PDSS1: variants seen among roughly 807,000 people sequenced by gnomAD.
PDSS1 encodes all trans-polyprenyl-diphosphate synthase PDSS1.
Under a neutral mutation model 57.5 loss-of-function variants are expected in PDSS1, and 43 were observed. The ratio of observed to expected loss-of-function variants is 0.75; its 90% CI spans 0.59 to 0.96. The LOEUF is 0.96. PDSS1 is among the 50% of genes least tolerant of loss of function. The pLI is 0.00. For synonymous variants in PDSS1, 175 were observed against 191.3 expected (o/e 0.91, Z 0.70); for missense variants, 438 against 527.8 (o/e 0.83, Z 1.67).
intron 8 of PDSS1, among the ~76,000 whole-genome samples, chr10:26,726,412 A>G (rs1009332645): frequency 1.3e-5 from 2 of 152,232 alleles, no homozygotes; most frequent in Non-Finnish European, 2.9e-5. Context: ...AAAAGTTTCT[A>G]TATTTAAGTG....
intron 11 of PDSS1, among the ~76,000 whole-genome samples, chr10:26,745,504 C>T (rs1836818600): frequency 6.6e-6 from 1 of 152,042 alleles, no homozygotes; most frequent in Middle Eastern, 3.2e-3. Context: ...GGGCTAAACC[C>T]TCATCTTAAC....
At chr10:26,705,996 C>T (rs935424498) in intron 4 of PDSS1, among the ~76,000 whole-genome samples, 2 of 152,228 alleles carry the variant, frequency 1.3e-5, no homozygotes, top group East Asian at 3.8e-4. Flanking sequence ...AAACCCACCA[C>T]CTCCCAGTGA....
At chr10:26,707,675 C>T (rs569130075) in intron 4 of PDSS1, among the ~76,000 whole-genome samples, 10 of 152,234 alleles carry the variant, frequency 6.6e-5, no homozygotes, top group African/African-American at 1.7e-4. Context: ...TGGGCCCCCT[C>T]CTCTCTCTCT....
At chr10:26,730,702 T>G (rs1394482795) in intron 8 of PDSS1, among the ~76,000 whole-genome samples, 1 of 152,216 alleles carries the variant, frequency 6.6e-6, no homozygotes. Flanking sequence ...TGCCCTGTTT[T>G]CTTCCCCTAC....
rs751657693 is a variant in PDSS1, at chr10:26,707,135, GGGA to G, written c.336+1744_336+1746del. ...CATGCGCAGTGGCCCGCCAGTGTTG[GGGA>G]GGGGAGCATGCTCAGTGTGTTTACC... is the stretch of plus-strand genomic sequence containing the variant. On this transcript the variant is annotated intron_variant, in intron 4 of 11. Transcript: ENST00000376215. Among the ~76,000 whole-genome samples, 11 of 152,170 alleles carry G rather than the reference GGGA, an allele frequency of 7.2e-5. No individual in the cohort carries two copies. In the East Asian group the frequency reaches 1.5e-3, roughly 21 times the overall value.
intron 8 of PDSS1, among the ~76,000 whole-genome samples, chr10:26,725,728 G>A (rs1380265456): frequency 2.6e-5 from 4 of 152,070 alleles, no homozygotes; most frequent in Non-Finnish European, 5.9e-5. Flanking sequence ...TCCTTAAGAG[G>A]ATGTGTTAAG....
At chr10:26,717,414 T>C (rs983580385) in intron 5 of PDSS1, among the ~76,000 whole-genome samples, 1 of 152,144 alleles carries the variant, frequency 6.6e-6, no homozygotes, top group African/African-American at 2.4e-5. Context: ...GTATTTTTAG[T>C]GGAGACGTGG....
chr10:26,736,859 A>G (rs1836423596), intron 10 of PDSS1, among the ~76,000 whole-genome samples: 2 of 152,184 alleles, frequency 1.3e-5, no homozygotes, highest in African/African-American at 4.8e-5. Flanking sequence ...AGAGTATAAT[A>G]CATGTGCCCA....
chr10:26,739,626 T>C (rs1264998476), intron 10 of PDSS1, among the ~76,000 whole-genome samples: 1 of 152,204 alleles, frequency 6.6e-6, no homozygotes, highest in African/African-American at 2.4e-5. Flanking sequence ...AACAAGGTAA[T>C]GTCACCAGAT....
Position 26,700,751 on chromosome 10 carries a change from A to T in PDSS1, c.130-1411A>T, listed in dbSNP as rs1309939516. On this transcript the variant is annotated intron_variant, in intron 1 of 11. Transcript: ENST00000376215. Reference sequence around the variant, plus strand: ...CCATTCAGAACTGTGAGTCAATTAAACCTCTTTCCTATAATTATAGATTGC... The same window carrying T: ...CCATTCAGAACTGTGAGTCAATTAATCCTCTTTCCTATAATTATAGATTGC... 3.3e-5 allele frequency among the ~76,000 whole-genome samples: 5 copies of T among 151,884 alleles called. No individual in the cohort carries two copies. In the East Asian group the frequency reaches 9.7e-4, roughly 29 times the overall value.
At chr10:26,730,333 G>A (rs193280145) in intron 8 of PDSS1, among the ~76,000 whole-genome samples, 2 of 152,140 alleles carry the variant, frequency 1.3e-5, no homozygotes, top group African/African-American at 2.4e-5. Context: ...AACGTGGCTG[G>A]GCACAGTGTC....
rs1410205293 is a variant in PDSS1, at chr10:26,705,294, A to G, written c.236A>G (p.His79Arg). The G allele has an allele frequency of 6.2e-7, 1 of 1,605,908 alleles. No individual in the cohort carries two copies. Among genetic ancestry groups the G allele is most frequent in the Non-Finnish European group, 8.5e-7 (1 of 1,172,762 alleles). ...ATTTTTGCATGTCCCAGGTTTCATC[A>G]CACAACCCCAGACAGTAAAACACAC... ...PNVCRISRFH[H>R]TTPDSKTHSG... The change falls in exon 4 of 12, where the codon CAC (histidine) becomes CGC (arginine). Residue 79 changes from histidine (H) to arginine (R), a missense_variant. Physicochemically the swap from His to Arg is conservative, Grantham distance 29 (BLOSUM62 0). Coordinates refer to ENST00000376215, the MANE Select transcript of PDSS1 (RefSeq NM_014317.5).
intron 8 of PDSS1, among the ~76,000 whole-genome samples, chr10:26,731,076 A>G (rs111706230): frequency 0.051 from 7,803 of 151,978 alleles, 644 homozygotes; most frequent in African/African-American, 0.18. Context: ...GCGTGGTGGC[A>G]CACACCTGTA....
intron 4 of PDSS1, among the ~76,000 whole-genome samples, chr10:26,706,158 A>G (rs1835207779): frequency 6.6e-6 from 1 of 152,134 alleles, no homozygotes; most frequent in Admixed American, 6.6e-5. Context: ...AATCCCACCA[A>G]TTTAGGAGGC....
In PDSS1 at chr10:26,746,341, T is replaced by C. The variant is rs1447562271; in HGVS notation, c.1116T>C (p.Gly372=). The stretch of plus-strand genomic sequence containing the variant: ...TGTTCTGTATCTTATAGAGTGATGG[T>C]GTGCAACAAACAACCTACCTCGCCC... ...RARQYVLQSD[G]VQQTTYLAQQ... The change falls in exon 12 of 12, where the codon GGT becomes GGC. Residue 372 remains glycine, a synonymous_variant. Coordinates refer to ENST00000376215, the MANE Select transcript of PDSS1 (RefSeq NM_014317.5). The C allele has an allele frequency of 6.8e-6, 11 of 1,614,130 alleles. No homozygotes were observed. Among genetic ancestry groups the C allele is most frequent in the Non-Finnish European group, 9.3e-6 (11 of 1,179,980 alleles).
At chr10:26,719,819 TA>T (rs1206122116) in intron 5 of PDSS1, among the ~76,000 whole-genome samples, 1 of 152,200 alleles carries the variant, frequency 6.6e-6, no homozygotes, top group East Asian at 1.9e-4. Context: ...GTTGAGTCTT[TA>T]AAATACTTTT....
chr10:26,720,646 G>A (rs1200412598), intron 6 of PDSS1, among the ~76,000 whole-genome samples: 2 of 152,180 alleles, frequency 1.3e-5, no homozygotes, highest in African/African-American at 2.4e-5. Context: ...GGAATCATAC[G>A]TTTTACTTTT....
chr10:26,742,657 T>A, intron 11 of PDSS1, 80 bp downstream of exon 11: 2 of 801,268 alleles, frequency 2.5e-6, no homozygotes, highest in Non-Finnish European at 4.3e-6. Flanking sequence ...TAACATTAAC[T>A]AAACATTAAA....
chr10:26,726,889 C>T (rs1041029998), intron 8 of PDSS1, among the ~76,000 whole-genome samples: 5 of 152,014 alleles, frequency 3.3e-5, no homozygotes, highest in African/African-American at 1.2e-4. Flanking sequence ...TGGCAAAACC[C>T]CGTCTGTACT....
Sources: allele counts gnomAD v4.1 joint callset (sites outside exome capture counted in the v4.1 genomes callset), GRCh38; gene constraint gnomAD v4.1.1; transcripts MANE v1.5; gene names NCBI Gene and HGNC (gene_info 2026-07-23, HGNC 2026-07-21).